Variants in GNG2 observed in about 807,000 individuals in gnomAD.
GNG2 encodes the protein G protein subunit gamma 2.
In GNG2, 5 loss-of-function variants were observed where a neutral mutation model predicts 5.5. That is an observed-to-expected ratio of 0.91 (90% CI 0.48 to 1.92). GNG2 has a LOEUF of 1.92. Ranked by LOEUF, GNG2 falls within the 30% of genes most tolerant of loss-of-function variation. The pLI, the probability that GNG2 is intolerant of heterozygous loss-of-function variation, is 0.01. For synonymous variants in GNG2, 28 were observed against 32.0 expected, an observed-to-expected ratio of 0.88 and a Z score of 0.42; for missense variants, 55 against 88.4, an observed-to-expected ratio of 0.62 and a Z score of 1.52.
chr14:51,964,584 C>A (rs938221032), intron 3 of GNG2, among the ~76,000 whole-genome samples: 1 of 152,164 alleles, frequency 6.6e-6, no homozygotes, highest in South Asian at 2.1e-4. Context: ...GATGGAGCAG[C>A]CTCTGTCCAG....
intron 1 of GNG2, among the ~76,000 whole-genome samples, chr14:51,874,255 C>T (rs1883498504): frequency 6.6e-6 from 1 of 152,004 alleles, no homozygotes; most frequent in East Asian, 1.9e-4. Context: ...GAAACCCCTT[C>T]TCTACTAAAA....
At position 51,956,898 on chromosome 14, in the gene GNG2, C is replaced by T. The variant is rs557826961; in HGVS notation, c.87+6133C>T. On this transcript the variant is annotated intron_variant, in intron 3 of 3. Coordinates refer to ENST00000556766, the MANE Select transcript of GNG2 (RefSeq NM_053064.5). The stretch of plus-strand genomic sequence containing the variant: ...TGGTTTTTATCCTTACTGACAACTG[C>T]TTCATCTTGGCATTGTCAAGCAGTC... Among the ~76,000 whole-genome samples, 7 of 152,192 alleles carry T rather than the reference C, an allele frequency of 4.6e-5. No individual in the cohort carries two copies. The South Asian group carries it at 1.5e-3, about 32-fold the overall frequency.
At chr14:51,826,405 G>A (rs1046556562) in intron 1 of GNG2, among the ~76,000 whole-genome samples, 9 of 152,128 alleles carry the variant, frequency 5.9e-5, no homozygotes, top group Non-Finnish European at 1.2e-4. Flanking sequence ...ATTTAAAGTC[G>A]TTGGAGGATG....
rs1206898656 is a variant in GNG2, at chr14:51,869,936, T to C, written c.-70-7681T>C. Among the ~76,000 whole-genome samples the C allele has an allele frequency of 5.3e-5, 8 of 152,268 alleles. No individual in the cohort carries two copies. In the East Asian group the frequency reaches 1.4e-3, roughly 26 times the overall value. The stretch of plus-strand genomic sequence containing the variant: ...GTGATTGGCTAATTTAAGAGTTTCC[T>C]CCCGAGGCCATGGAGCAGCCCAGGC... On this transcript the variant is annotated intron_variant, in intron 1 of 3. Transcript: ENST00000556766.
intron 2 of GNG2, among the ~76,000 whole-genome samples, chr14:51,894,084 A>G (rs1466517707): frequency 1.3e-5 from 2 of 151,968 alleles, no homozygotes; most frequent in Non-Finnish European, 2.9e-5. Flanking sequence ...TTTTTTCCAT[A>G]TAAAATTTAA....
At chr14:51,891,018 T>A (rs752401796) in intron 2 of GNG2, among the ~76,000 whole-genome samples, 20 of 152,138 alleles carry the variant, frequency 1.3e-4, no homozygotes, top group Non-Finnish European at 2.4e-4. Context: ...TAACTTTCAG[T>A]CTCTAAGTGG....
rs185099343 is a variant in GNG2, at chr14:51,967,943, A to T, written c.*1256A>T. 1.3e-5 allele frequency: 2 copies of T among 152,292 alleles called. No individual in the cohort carries two copies. Among genetic ancestry groups the T allele is most frequent in the East Asian group, 3.9e-4 (2 of 5,182 alleles). 9.4% of individuals were successfully genotyped at this position (152,292 alleles called of 1,614,324 possible). ...AGCTATTCACTCTCCAGGGAGAAGG[A>T]CCTCAAATCGCCACTCTTTGGGCGG... On this transcript the variant is annotated 3_prime_UTR_variant, in exon 4 of 4. Coordinates refer to ENST00000556766, the MANE Select transcript of GNG2 (RefSeq NM_053064.5).
intron 2 of GNG2, among the ~76,000 whole-genome samples, chr14:51,947,993 C>G (rs1450901446): frequency 6.6e-6 from 1 of 152,236 alleles, no homozygotes; most frequent in Non-Finnish European, 1.5e-5. Context: ...GACCCAGATC[C>G]TTCCTGTTCA....
At chr14:51,830,339 C>A (rs1210092716) in intron 2 of GNG2, among the ~76,000 whole-genome samples, 4 of 152,172 alleles carry the variant, frequency 2.6e-5, no homozygotes, top group African/African-American at 9.7e-5. Flanking sequence ...TTGAGCTCAT[C>A]TCCTCTCATG....
At chr14:51,832,155 A>G (rs1470047571) in intron 2 of GNG2, among the ~76,000 whole-genome samples, 2 of 151,778 alleles carry the variant, frequency 1.3e-5, no homozygotes, top group African/African-American at 2.4e-5. Flanking sequence ...TGGCACACAC[A>G]TATGGTTTCA....
chr14:51,913,330 A>G (rs1886402499), intron 2 of GNG2: 1 of 152,186 alleles, frequency 6.6e-6, no homozygotes, highest in South Asian at 2.1e-4. Flanking sequence ...GAAACATGGC[A>G]AGACCTCCTT....
intron 1 of GNG2, among the ~76,000 whole-genome samples, chr14:51,871,679 A>G (rs1343048409): frequency 6.6e-6 from 1 of 152,230 alleles, no homozygotes; most frequent in Non-Finnish European, 1.5e-5. Flanking sequence ...GCAGTAGAGT[A>G]TCTTTTATTC....
chr14:51,878,964 G>C (rs1479654767), intron 2 of GNG2, among the ~76,000 whole-genome samples: 1 of 152,164 alleles, frequency 6.6e-6, no homozygotes, highest in Non-Finnish European at 1.5e-5. Flanking sequence ...TGTCAATGGG[G>C]TTTGCTGGCA....
intron 3 of GNG2, among the ~76,000 whole-genome samples, chr14:51,956,613 A>T (rs1889286001): frequency 6.6e-6 from 1 of 152,128 alleles, no homozygotes; most frequent in South Asian, 2.1e-4. Context: ...TAATCTTTGA[A>T]ATCCTTTCAA....
In GNG2 at chr14:51,930,990, A is replaced by C. The variant is rs577519171; in HGVS notation, c.-29-19660A>C. ...ATGCGCCTATAGTCCCACCTGCTAG[A>C]GAGGCTGAGGTGGGAGGATTGCTTG... On this transcript the variant is annotated intron_variant, in intron 2 of 3. Transcript: ENST00000556766. 1.8e-4 allele frequency among the ~76,000 whole-genome samples: 27 copies of C among 152,222 alleles called. No individual in the cohort carries two copies. In the South Asian group the frequency reaches 5.4e-3, roughly 30 times the overall value.
Position 51,966,231 on chromosome 14 carries a change from A to AAAAAAAAAAAAAAG in GNG2, c.88-322_88-321insAAAAAAAGAAAAAA, listed in dbSNP as rs61013183. Among the ~76,000 whole-genome samples, 40 of 108,572 alleles carry AAAAAAAAAAAAAAG rather than the reference A, an allele frequency of 3.7e-4. 5 individuals are homozygous for AAAAAAAAAAAAAAG. Among genetic ancestry groups the AAAAAAAAAAAAAAG allele is most frequent in the Non-Finnish European group, 4.8e-4 (24 of 50,202 alleles). The allele number at this position is 108,572 out of a possible 152,430, so 71.2% of individuals were successfully genotyped here. A position where few individuals can be genotyped will look rare whatever the true frequency, so the allele number is the denominator to read the frequency against. ...TCTCAAAAAAAAAAAAAAAAAAAAA[A>AAAAAAAAAAAAAAG]AAAAAACAAATGAAGGAGACAGCCA... On this transcript the variant is annotated intron_variant, in intron 3 of 3. Transcript: ENST00000556766.
chr14:51,951,157 T>C (rs1888954398), intron 3 of GNG2, among the ~76,000 whole-genome samples: 1 of 152,242 alleles, frequency 6.6e-6, no homozygotes, highest in Non-Finnish European at 1.5e-5. Context: ...ATGTCCGTAT[T>C]TTGGGTCTAA....
intron 2 of GNG2, among the ~76,000 whole-genome samples, chr14:51,915,837 ACT>A (rs1594910585): frequency 6.6e-6 from 1 of 152,164 alleles, no homozygotes; most frequent in East Asian, 1.9e-4. Context: ...CAGCTGCTGT[ACT>A]CTGTTCCCAG....
At chr14:51,934,929 T>TA (rs200150021) in intron 2 of GNG2, among the ~76,000 whole-genome samples, 1,592 of 152,168 alleles carry the variant, frequency 0.01, 33 homozygotes, top group African/African-American at 0.037. Flanking sequence ...ATTCACACAC[T>TA]AATCAGGGAG....
Sources: gnomAD v4.1 joint callset for allele counts (sites outside exome capture counted in the v4.1 genomes callset) on GRCh38, gnomAD v4.1.1 for gene constraint, MANE v1.5 for transcripts, NCBI Gene and HGNC (gene_info 2026-07-23, HGNC 2026-07-21) for gene names.